Variants in DIP2B observed in about 807,000 individuals in gnomAD.
DIP2B encodes DIP2 acetate--CoA ligase B (putative).
A neutral mutation model predicts 198.0 loss-of-function variants in DIP2B; 76 were observed. The ratio of observed to expected loss-of-function variants is 0.38; its 90% CI spans 0.32 to 0.46. DIP2B has a LOEUF of 0.46. Ranked by LOEUF, DIP2B falls within the 20% of genes least tolerant of loss-of-function variation. The pLI is 0.99. For synonymous variants in DIP2B, 701 were observed against 739.1 expected, an observed-to-expected ratio of 0.95 and a Z score of 0.84; for missense variants, 1,559 against 1,978.4, an observed-to-expected ratio of 0.79 and a Z score of 4.02.
chr12:50,744,010 C>CT (rs1347580619), intron 37 of DIP2B, among the ~76,000 whole-genome samples: 5 of 151,604 alleles, frequency 3.3e-5, no homozygotes, highest in East Asian at 1.9e-4. Context: ...CAGTTAACAA[C>CT]TTTTTTTTTG....
intron 1 of DIP2B, among the ~76,000 whole-genome samples, chr12:50,543,768 A>G (rs1958348070): frequency 6.6e-6 from 1 of 151,592 alleles, no homozygotes; most frequent in African/African-American, 2.4e-5. Context: ...TACTAATAAT[A>G]CAAACATTAG....
intron 1 of DIP2B, among the ~76,000 whole-genome samples, chr12:50,583,690 G>A (rs1958745200): frequency 1.3e-5 from 2 of 151,918 alleles, no homozygotes; most frequent in Non-Finnish European, 2.9e-5. Context: ...ATTTACGATG[G>A]GTTTATCTGC....
intron 1 of DIP2B, among the ~76,000 whole-genome samples, chr12:50,573,333 G>A (rs1177993728): frequency 6.6e-6 from 1 of 152,172 alleles, no homozygotes; most frequent in Non-Finnish European, 1.5e-5. Flanking sequence ...ATTGAGTATC[G>A]ATCAAGTTGC....
chr12:50,541,400 ATTCT>A (rs1181360613), intron 1 of DIP2B, among the ~76,000 whole-genome samples: 7 of 139,476 alleles, frequency 5.0e-5, no homozygotes, highest in African/African-American at 1.8e-4. Context: ...GACAAAGAAC[ATTCT>A]TTTTTTTTTT....
At chr12:50,521,568 C>T (rs1958120343) in intron 1 of DIP2B, among the ~76,000 whole-genome samples, 1 of 147,300 alleles carries the variant, frequency 6.8e-6, no homozygotes, top group South Asian at 2.1e-4. Context: ...TCTCAGCTCA[C>T]TGCAACCTCC....
Position 50,640,952 on chromosome 12 carries a change from T to C in DIP2B, c.301+100T>C, listed in dbSNP as rs1938246781. The C allele has an allele frequency of 5.7e-6, 8 of 1,406,356 alleles. No individual in the cohort carries two copies. In the South Asian group the frequency reaches 1.2e-4, roughly 21 times the overall value. 87.1% of individuals were successfully genotyped at this position (1,406,356 alleles called of 1,614,324 possible). On this transcript the variant is annotated intron_variant, in intron 3 of 37. Transcript: ENST00000301180. ...CTAATACTTGTCTTTTTTTTCCCTA[T>C]GAGGCACCAACAGTTTTATATTAAC...
intron 1 of DIP2B, among the ~76,000 whole-genome samples, chr12:50,598,628 T>A (rs1006326244): frequency 1.3e-5 from 2 of 151,662 alleles, no homozygotes; most frequent in African/African-American, 4.8e-5. Flanking sequence ...CTAATGAGAA[T>A]ATAAAACATC....
chr12:50,553,812 C>T (rs1958446748), intron 1 of DIP2B, among the ~76,000 whole-genome samples: 1 of 151,914 alleles, frequency 6.6e-6, no homozygotes. Context: ...GCCTTCATGC[C>T]CAGCTAATTT....
chr12:50,694,542 T>TACAC (rs1939274979), intron 14 of DIP2B, among the ~76,000 whole-genome samples: 1 of 110,140 alleles, frequency 9.1e-6, no homozygotes, highest in African/African-American at 3.0e-5. Context: ...CATACATACA[T>TACAC]ACATACATAC....
intron 35 of DIP2B, among the ~76,000 whole-genome samples, chr12:50,738,424 CTTTGAGGCCAGGAG>C (rs1269494131): frequency 2.6e-5 from 4 of 152,134 alleles, no homozygotes; most frequent in Admixed American, 6.5e-5. Flanking sequence ...GGCCACTCCA[CTTTGAGGCCAGGAG>C]TTTGAGGCCA....
intron 1 of DIP2B, among the ~76,000 whole-genome samples, chr12:50,580,538 C>CTTTTTTTTT (rs35098719): frequency 7.9e-6 from 1 of 127,216 alleles, no homozygotes; most frequent in African/African-American, 2.9e-5. Context: ...TTTCTTTTTC[C>CTTTTTTTTT]TTTTTTTTTT....
chr12:50,743,008 G>A (rs1297687858), intron 37 of DIP2B, among the ~76,000 whole-genome samples: 2 of 152,210 alleles, frequency 1.3e-5, no homozygotes, highest in East Asian at 1.9e-4. Flanking sequence ...GGGAAGCTGG[G>A]TGCTGTGGTT....
intron 3 of DIP2B, among the ~76,000 whole-genome samples, chr12:50,642,496 T>TCC (rs1271801865): frequency 6.6e-6 from 1 of 152,126 alleles, no homozygotes; most frequent in Non-Finnish European, 1.5e-5. Context: ...ATAGAAGTAT[T>TCC]TACTAGTAGG....
intron 30 of DIP2B, among the ~76,000 whole-genome samples, chr12:50,730,826 A>ATTCTTC (rs1940029616): frequency 6.6e-6 from 1 of 152,176 alleles, no homozygotes; most frequent in East Asian, 1.9e-4. Flanking sequence ...CTCATTCTTC[A>ATTCTTC]AGCTGCAGCT....
intron 1 of DIP2B, among the ~76,000 whole-genome samples, chr12:50,558,210 A>G (rs1958487819): frequency 6.6e-6 from 1 of 152,204 alleles, no homozygotes; most frequent in Non-Finnish European, 1.5e-5. Flanking sequence ...AAAAATATTC[A>G]CAAATTTCAA....
At chr12:50,546,337 T>A (rs187004148) in intron 1 of DIP2B, among the ~76,000 whole-genome samples, 7 of 152,324 alleles carry the variant, frequency 4.6e-5, no homozygotes, top group African/African-American at 1.4e-4. Flanking sequence ...AATTCTTTTT[T>A]AAAAAAATTT....
At chr12:50,549,721 A>AAAAAAAT (rs1958410263) in intron 1 of DIP2B, among the ~76,000 whole-genome samples, 1 of 149,540 alleles carries the variant, frequency 6.7e-6, no homozygotes. Context: ...AAAAAAAAAA[A>AAAAAAAT]GCCATGTGGT....
At chr12:50,654,689 G>C (rs1014783013) in intron 3 of DIP2B, among the ~76,000 whole-genome samples, 1 of 152,068 alleles carries the variant, frequency 6.6e-6, no homozygotes, top group Non-Finnish European at 1.5e-5. Flanking sequence ...AGAGAAGGCT[G>C]ATATAAAAAA....
intron 37 of DIP2B, among the ~76,000 whole-genome samples, 198 bp from the exon 38 acceptor site, chr12:50,744,389 T>C (rs1940311244): frequency 6.6e-6 from 1 of 152,082 alleles, no homozygotes; most frequent in Admixed American, 6.6e-5. Flanking sequence ...CTCATATATA[T>C]ATATATTCAT....
Sources: allele counts gnomAD v4.1 joint callset (sites outside exome capture counted in the v4.1 genomes callset), GRCh38; gene constraint gnomAD v4.1.1; transcripts MANE v1.5; gene names NCBI Gene and HGNC (gene_info 2026-07-23, HGNC 2026-07-21).